APOA5: variants seen among roughly 807,000 people sequenced by gnomAD.
APOA5 encodes the protein apolipoprotein A5.
Under a neutral mutation model 31.8 loss-of-function variants are expected in APOA5, and 26 were observed. That is an observed-to-expected ratio of 0.82 (90% CI 0.60 to 1.13). The LOEUF is 1.13. Among genes scored for constraint, APOA5 ranks in the 50% most tolerant of loss-of-function variants. The pLI is 0.00. For synonymous variants in APOA5, 186 were observed against 198.5 expected, an observed-to-expected ratio of 0.94 and a Z score of 0.53; for missense variants, 450 against 488.0, an observed-to-expected ratio of 0.92 and a Z score of 0.73.
rs1427514426 is a variant in APOA5, at chr11:116,789,835, G to A, written c.*293C>T. On this transcript the variant is annotated 3_prime_UTR_variant, in exon 3 of 3. Coordinates refer to ENST00000227665, the MANE Select transcript of APOA5 (RefSeq NM_001371904.1). ...TTGCAGATAATCACCCACATGCATG[G>A]TGCCTCTCCCTCCCTACTCCCTCAC... The A allele has an allele frequency of 2.0e-6, 1 of 504,906 alleles. No homozygotes were observed. The highest frequency in any genetic ancestry group is 1.9e-5 in the African/African-American group (1 of 51,410). 31.3% of individuals were successfully genotyped at this position (504,906 alleles called of 1,614,324 possible).
intron 2 of APOA5, 23 bp from the exon 3 acceptor site, chr11:116,791,090 A>G (rs1199543090): frequency 6.3e-7 from 1 of 1,579,196 alleles, no homozygotes; most frequent in Non-Finnish European, 8.6e-7. Context: ...ACAGATATCC[A>G]GGCCGTCAGA....
At position 116,791,725 on chromosome 11, in the gene APOA5, C is replaced by T. The variant is rs41416350; in HGVS notation, c.50-28G>A. ...GTGGAGAGGGACTAGGTAATCAGGGCCTGGGCTCTCCTCCCCCAGGGTGGA... is the reference window on the plus strand; with the variant it reads ...GTGGAGAGGGACTAGGTAATCAGGGTCTGGGCTCTCCTCCCCCAGGGTGGA... On this transcript the variant is annotated intron_variant, in intron 1 of 2. Coordinates refer to ENST00000227665, the MANE Select transcript of APOA5 (RefSeq NM_001371904.1). The T allele has an allele frequency of 1.0e-3, 1,689 of 1,609,878 alleles. 20 individuals carry two copies. The African/African-American group carries it at 0.02, about 19-fold the overall frequency.
rs778302124 is a variant in APOA5, at chr11:116,790,948, C to T, written c.281G>A (p.Arg94Gln). Residue 94 changes from arginine (R) to glutamine (Q), a missense_variant, in exon 3 of 3, where the codon CGG (arginine) becomes CAG (glutamine). Physicochemically the swap from Arg to Gln is conservative, Grantham distance 43 (BLOSUM62 1). Coordinates refer to ENST00000227665, the MANE Select transcript of APOA5 (RefSeq NM_001371904.1). The stretch of plus-strand genomic sequence containing the variant: ...CTCCTCCAACTCCTCCTGCAGCTGC[C>T]GCCGCATGCCCACCGGGTCCTGTGG... ...RLPQDPVGMR[R>Q]QLQEELEEVK... 14 of 1,613,120 alleles carry T rather than the reference C, an allele frequency of 8.7e-6. No homozygotes were observed. In the South Asian group the frequency reaches 1.2e-4, roughly 14 times the overall value.
Position 116,790,427 on chromosome 11 carries a change from C to T in APOA5, c.802G>A (p.Glu268Lys), listed in dbSNP as rs574363219. Reference sequence around the variant, plus strand: ...ATCTGGGGGTCCGGGCCGGCCCCTTCCTCAGTCCCAGTGCCTGCAAAGGCT... The same window carrying T: ...ATCTGGGGGTCCGGGCCGGCCCCTTTCTCAGTCCCAGTGCCTGCAAAGGCT... ...SRAFAGTGTE[E>K]GAGPDPQMLS... The change falls in exon 3 of 3, where the codon GAA (glutamate) becomes AAA (lysine). Residue 268 changes from glutamate (E) to lysine (K), a missense_variant. By Grantham distance (56) the Glu-to-Lys change is moderately conservative. Coordinates refer to ENST00000227665, the MANE Select transcript of APOA5 (RefSeq NM_001371904.1). 82 of 1,606,046 alleles carry T rather than the reference C, an allele frequency of 5.1e-5. 4 individuals are homozygous for T. In the South Asian group the frequency reaches 8.3e-4, roughly 16 times the overall value.
Position 116,789,837 on chromosome 11 carries a change from GC to G in APOA5, c.*290del. 1 of 504,492 alleles carries G rather than the reference GC, an allele frequency of 2.0e-6. No individual in the cohort carries two copies. Among genetic ancestry groups the G allele is most frequent in the Non-Finnish European group, 3.6e-6 (1 of 278,380 alleles). 31.3% of individuals were successfully genotyped at this position (504,492 alleles called of 1,614,324 possible). On this transcript the variant is annotated 3_prime_UTR_variant, in exon 3 of 3. Transcript: ENST00000227665. The stretch of plus-strand genomic sequence containing the variant: ...GCAGATAATCACCCACATGCATGGT[GC>G]CTCTCCCTCCCTACTCCCTCACCCT...
chr11:116,792,262 A>C, upstream of APOA5: 3 of 313,672 alleles, frequency 9.6e-6, no homozygotes, highest in Admixed American at 4.5e-5. Flanking sequence ...CGAAGAGGCA[A>C]CTCTGCCAAA....
chr11:116,790,084 C>T lies in APOA5; in HGVS notation c.*44G>A, dbSNP rs752304853. 6.3e-7 allele frequency: 1 copy of T among 1,591,970 alleles called. No individual in the cohort carries two copies. The highest frequency in any genetic ancestry group is 8.6e-7 in the Non-Finnish European group (1 of 1,164,830). On this transcript the variant is annotated 3_prime_UTR_variant, in exon 3 of 3. Coordinates refer to ENST00000227665, the MANE Select transcript of APOA5 (RefSeq NM_001371904.1). ...CCATGCTAGAGGCTCAGAGCCAAGGCTCCCCAGACAAGGAGCTGGGAATGG... is the reference window on the plus strand; with the variant it reads ...CCATGCTAGAGGCTCAGAGCCAAGGTTCCCCAGACAAGGAGCTGGGAATGG...
In APOA5 at chr11:116,790,962, C is replaced by A. The variant is rs1463117268; in HGVS notation, c.267G>T (p.Pro89=). ...CCTGCAGCTGCCGCCGCATGCCCAC[C>A]GGGTCCTGTGGGAGCCGAGGAGCCT... ...GSEAPRLPQD[P]VGMRRQLQEE... is the part of the protein sequence containing the mutation. Residue 89 remains proline (P), a synonymous_variant, in exon 3 of 3, where the codon CCG becomes CCT. Transcript: ENST00000227665. 3 of 1,613,194 alleles carry A rather than the reference C, an allele frequency of 1.9e-6. No homozygotes were observed. Among genetic ancestry groups the A allele is most frequent in the Middle Eastern group, 1.6e-4 (1 of 6,062 alleles).
Position 116,791,670 on chromosome 11 carries a change from C to G in APOA5, c.77G>C (p.Gly26Ala), listed in dbSNP as rs548745995. 3.7e-6 allele frequency: 6 copies of G among 1,610,054 alleles called. No individual in the cohort carries two copies. The East Asian group carries it at 6.7e-5, about 18-fold the overall frequency. ...GGTCTGGCTGAAGTAGTCCCAGAAGCCTTTCCGTGCCTGGGTGGCCGAAAA... is the reference window on the plus strand; with the variant it reads ...GGTCTGGCTGAAGTAGTCCCAGAAGGCTTTCCGTGCCTGGGTGGCCGAAAA... ...SAFSATQARK[G>A]FWDYFSQTSG... is the part of the protein sequence containing the mutation. The change falls in exon 2 of 3, where the codon GGC (glycine) becomes GCC (alanine). Residue 26 changes from glycine to alanine, a missense_variant. Physicochemically the swap from Gly to Ala is moderately conservative, Grantham distance 60 (BLOSUM62 0). Transcript: ENST00000227665.
Position 116,790,119 on chromosome 11 carries a change from G to T in APOA5, c.*9C>A, listed in dbSNP as rs375881609. Reference sequence around the variant, plus strand: ...AAGGAGCTGGGAATGGGCCTGGGCAGGTAGATCCTCAGGGGTCCCCCAGAT... The same window carrying T: ...AAGGAGCTGGGAATGGGCCTGGGCATGTAGATCCTCAGGGGTCCCCCAGAT... On this transcript the variant is annotated 3_prime_UTR_variant, in exon 3 of 3. Transcript: ENST00000227665. The T allele has an allele frequency of 1.9e-6, 3 of 1,613,522 alleles. No homozygotes were observed. In the African/African-American group the frequency reaches 4.0e-5, roughly 22 times the overall value.
upstream of APOA5, among the ~76,000 whole-genome samples, chr11:116,792,148 C>CGA (rs1565325834): frequency 6.6e-6 from 1 of 152,184 alleles, no homozygotes; most frequent in African/African-American, 2.4e-5. Context: ...GCAAAGGTCC[C>CGA]AGACCCCAGG....
In APOA5 at chr11:116,789,782, C is replaced by G; in HGVS notation, c.*346G>C. On this transcript the variant is annotated 3_prime_UTR_variant, in exon 3 of 3. Transcript: ENST00000227665. ...AGCCAAACTCCAGGATGTAGTGGCA[C>G]AGGCTTCCAGCATCACGGCAAACAG... The G allele has an allele frequency of 2.5e-6, 1 of 392,686 alleles. No homozygotes were observed. The highest frequency in any genetic ancestry group is 2.3e-5 in the South Asian group (1 of 43,124). 24.3% of individuals were successfully genotyped at this position (392,686 alleles called of 1,614,324 possible).
chr11:116,792,012 G>T (rs1941023397), upstream of APOA5: 1 of 826,392 alleles, frequency 1.2e-6, no homozygotes, highest in South Asian at 1.5e-5. Context: ...GCACAGAGCT[G>T]TTGGGGCTCA....
At position 116,790,414 on chromosome 11, in the gene APOA5, G is replaced by T. The variant is rs772922485; in HGVS notation, c.815C>A (p.Pro272Gln). ...CTCCTCGGAGAGCATCTGGGGGTCC[G>T]GGCCGGCCCCTTCCTCAGTCCCAGT... is the stretch of plus-strand genomic sequence containing the variant. ...AGTGTEEGAG[P>Q]DPQMLSEEVR... Residue 272 changes from proline (P) to glutamine (Q), a missense_variant, in exon 3 of 3, where the codon CCG (proline) becomes CAG (glutamine). Pro to Gln is a moderately conservative substitution (Grantham distance 76). Coordinates refer to ENST00000227665, the MANE Select transcript of APOA5 (RefSeq NM_001371904.1). 8.1e-6 allele frequency: 13 copies of T among 1,607,614 alleles called. No homozygotes were observed. The Admixed American group carries it at 1.0e-4, about 12-fold the overall frequency.
chr11:116,790,845 T>C lies in APOA5; in HGVS notation c.384A>G (p.Gln128=), dbSNP rs1261868001. Residue 128 remains glutamine (Q), a synonymous_variant, in exon 3 of 3, where the codon CAA becomes CAG. Coordinates refer to ENST00000227665, the MANE Select transcript of APOA5 (RefSeq NM_001371904.1). ...VGWNLEGLRQ[Q]LKPYTMDLME... is the part of the protein sequence containing the mutation. ...TCAGATCCATCGTGTAGGGCTTCAG[T>C]TGCTGCCGCAAGCCCTCCAAATTCC... 1.2e-6 allele frequency: 2 copies of C among 1,613,696 alleles called. No individual in the cohort carries two copies. The highest frequency in any genetic ancestry group is 1.3e-5 in the African/African-American group (1 of 74,926).
Position 116,791,680 on chromosome 11 carries a change from C to T in APOA5, c.67G>A (p.Ala23Thr). Residue 23 changes from alanine to threonine, a missense_variant, in exon 2 of 3, where the codon GCA becomes ACA. Physicochemically the swap from Ala to Thr is moderately conservative, Grantham distance 58. Transcript: ENST00000227665. ...ALLSAFSATQ[A>T]RKGFWDYFSQ... ...AAGTAGTCCCAGAAGCCTTTCCGTG[C>T]CTGGGTGGCCGAAAACGCTGTGGAG... 6.2e-7 allele frequency: 1 copy of T among 1,609,468 alleles called. No homozygotes were observed. The highest frequency in any genetic ancestry group is 1.1e-5 in the South Asian group (1 of 90,242).
At position 116,789,883 on chromosome 11, in the gene APOA5, G is replaced by A; in HGVS notation, c.*245C>T. The A allele has an allele frequency of 1.7e-6, 1 of 588,626 alleles. No individual in the cohort carries two copies. The highest frequency in any genetic ancestry group is 2.0e-5 in the South Asian group (1 of 50,686). The allele number at this position is 588,626 out of a possible 1,614,324, so 36.5% of individuals were successfully genotyped here. A position where few individuals can be genotyped will look rare whatever the true frequency, so the allele number is the denominator to read the frequency against. Reference sequence around the variant, plus strand: ...CACCCTTGAATGGAGTAACTCATGAGCATTCCCAAATGAGCACTGGGAGGC... The same window carrying A: ...CACCCTTGAATGGAGTAACTCATGAACATTCCCAAATGAGCACTGGGAGGC... On this transcript the variant is annotated 3_prime_UTR_variant, in exon 3 of 3. Transcript: ENST00000227665.
At chr11:116,791,422 G>A in intron 2 of APOA5, 164 bp downstream of exon 2, 1 of 806,768 alleles carries the variant, frequency 1.2e-6, no homozygotes, top group Non-Finnish European at 2.1e-6. Context: ...CAGGCAGAGG[G>A]CGCTAAAGAG....
rs1457255183 is a variant in APOA5 at position 116,790,576 on chromosome 11, G to C, written c.653C>G (p.Pro218Arg). 2 of 1,598,476 alleles carry C rather than the reference G, an allele frequency of 1.3e-6. No homozygotes were observed. Among genetic ancestry groups the C allele is most frequent in the Admixed American group, 3.4e-5 (2 of 59,416 alleles). Residue 218 changes from proline to arginine, a missense_variant, in exon 3 of 3, where the codon CCC (proline) becomes CGC (arginine). Physicochemically the swap from Pro to Arg is moderately radical, Grantham distance 103. Transcript: ENST00000227665. The part of the protein sequence containing the change: ...ELHRSVAPHA[P>R]ASPARLSRCV... ...GCGACTGAGGCGCGCGGGGCTGGCG[G>C]GGGCGTGCGGAGCCACACTGCGGTG...
Sources: gnomAD v4.1 joint callset for allele counts (sites outside exome capture counted in the v4.1 genomes callset) on GRCh38, gnomAD v4.1.1 for gene constraint, MANE v1.5 for transcripts, NCBI Gene and HGNC (gene_info 2026-07-23, HGNC 2026-07-21) for gene names.